The following AK4 variants were observed in gnomAD, a reference collection of about 807,000 sequenced individuals.
The protein encoded by AK4 is adenylate kinase 4.
A neutral mutation model predicts 24.6 loss-of-function variants in AK4; 13 were observed. The observed-to-expected ratio is 0.53, with a 90% CI of 0.34 to 0.84. The LOEUF (loss-of-function observed/expected upper bound fraction) is 0.84. AK4 is among the 40% of genes least tolerant of loss of function. The pLI, the probability that AK4 is intolerant of heterozygous loss-of-function variation, is 0.01. For missense variants in AK4, 192 were observed against 288.2 expected (o/e 0.67, Z 2.42); for synonymous variants, 88 against 107.0 (o/e 0.82, Z 1.10).
rs192931051 is a variant in AK4, at chr1:65,158,950, A to C, written c.145+10398A>C. Among the ~76,000 whole-genome samples the C allele has an allele frequency of 7.9e-5, 12 of 152,300 alleles. 1 individual carries two copies. The East Asian group carries it at 2.3e-3, about 29-fold the overall frequency. On this transcript the variant is annotated intron_variant, in intron 1 of 4. Transcript: ENST00000327299. ...CAAAAGGTCTTGTTTGTACAGCTTC[A>C]TGTAGTTGAATTTAAATGGCTGATG...
At chr1:65,185,675 G>A (rs1033894494) in intron 1 of AK4, among the ~76,000 whole-genome samples, 7 of 148,704 alleles carry the variant, frequency 4.7e-5, no homozygotes, top group South Asian at 2.1e-4. Context: ...CTAGGCTGGC[G>A]TGATCTTGGC....
At chr1:65,153,688 A>C (rs1649876934) in intron 1 of AK4, among the ~76,000 whole-genome samples, 1 of 152,128 alleles carries the variant, frequency 6.6e-6, no homozygotes, top group Admixed American at 6.5e-5. Flanking sequence ...TTAATTCCTT[A>C]AGGGTAATTT....
At chr1:65,186,240 A>C (rs765541424) in intron 1 of AK4, among the ~76,000 whole-genome samples, 1 of 152,038 alleles carries the variant, frequency 6.6e-6, no homozygotes, top group African/African-American at 2.4e-5. Context: ...GGTTCAAACT[A>C]TTCTTGTGCC....
chr1:65,199,872 G>A (rs982357567), intron 2 of AK4, among the ~76,000 whole-genome samples: 4 of 152,138 alleles, frequency 2.6e-5, no homozygotes, highest in Non-Finnish European at 5.9e-5. Flanking sequence ...TGAGGATCAA[G>A]TTGGCACTCA....
intron 1 of AK4, among the ~76,000 whole-genome samples, chr1:65,164,299 G>A (rs1650260144): frequency 6.6e-6 from 1 of 152,178 alleles, no homozygotes; most frequent in African/African-American, 2.4e-5. Context: ...GGTTAGGTCT[G>A]ATTTCTTTCA....
At chr1:65,225,932 G>A in intron 4 of AK4, 131 bp from the exon 5 acceptor site, 1 of 903,386 alleles carries the variant, frequency 1.1e-6, no homozygotes, top group Non-Finnish European at 1.7e-6. Flanking sequence ...TTTGAAAGGG[G>A]CTGTTTTAGC....
chr1:65,224,366 G>A (rs1260182098), intron 3 of AK4, among the ~76,000 whole-genome samples: 8 of 152,082 alleles, frequency 5.3e-5, no homozygotes, highest in African/African-American at 1.2e-4. Context: ...TTTGTTTTCC[G>A]CATTAAGAAC....
intron 1 of AK4, among the ~76,000 whole-genome samples, chr1:65,190,248 G>GTTTC (rs1185704798): frequency 3.4e-5 from 5 of 148,756 alleles, no homozygotes; most frequent in Non-Finnish European, 7.4e-5. Context: ...TGCTTTCTTG[G>GTTTC]TTTCTTTCTT....
At chr1:65,202,330 G>C (rs1202104105) in intron 2 of AK4, among the ~76,000 whole-genome samples, 1 of 152,192 alleles carries the variant, frequency 6.6e-6, no homozygotes, top group African/African-American at 2.4e-5. Context: ...CCAGGAGGCA[G>C]AGCTTGCAGT....
intron 1 of AK4, among the ~76,000 whole-genome samples, chr1:65,180,015 G>T (rs1404793907): frequency 2.6e-5 from 4 of 152,060 alleles, no homozygotes; most frequent in African/African-American, 9.7e-5. Context: ...CATTTTATTG[G>T]TGAGGAAACG....
At chr1:65,182,518 C>T (rs1023126230) in intron 1 of AK4, among the ~76,000 whole-genome samples, 3 of 151,016 alleles carry the variant, frequency 2.0e-5, no homozygotes, top group African/African-American at 4.9e-5. Context: ...ATATGACAGA[C>T]AGAAATAAGA....
chr1:65,214,853 T>C (rs1278704053), intron 2 of AK4, among the ~76,000 whole-genome samples: 1 of 152,144 alleles, frequency 6.6e-6, no homozygotes, highest in Non-Finnish European at 1.5e-5. Flanking sequence ...CTGGAAAGAT[T>C]TGCATGTGTT....
chr1:65,209,311 T>C (rs1261570742), intron 2 of AK4, among the ~76,000 whole-genome samples: 2 of 152,362 alleles, frequency 1.3e-5, no homozygotes, highest in East Asian at 3.9e-4. Context: ...TAATGGAATA[T>C]ATTCACATTT....
chr1:65,207,515 A>G (rs897655564), intron 2 of AK4, among the ~76,000 whole-genome samples: 25 of 150,522 alleles, frequency 1.7e-4, no homozygotes, highest in Non-Finnish European at 4.4e-5. Flanking sequence ...AGGAGGAAGC[A>G]TAAACTTCAG....
chr1:65,195,432 C>G (rs1351271918), intron 2 of AK4, among the ~76,000 whole-genome samples: 1 of 152,172 alleles, frequency 6.6e-6, no homozygotes, highest in African/African-American at 2.4e-5. Flanking sequence ...AGTAATTTCT[C>G]TAGTTTACAT....
At chr1:65,199,750 ATTTTGGATTTCAGATT>A (rs1651605848) in intron 2 of AK4, among the ~76,000 whole-genome samples, 1 of 152,156 alleles carries the variant, frequency 6.6e-6, no homozygotes, top group Non-Finnish European at 1.5e-5. Flanking sequence ...GACCAGAAGT[ATTTTGGATTTCAGATT>A]TTTTGGATTT....
chr1:65,177,438 T>C (rs973105010), intron 1 of AK4, among the ~76,000 whole-genome samples: 10 of 152,240 alleles, frequency 6.6e-5, no homozygotes, highest in African/African-American at 2.4e-4. Flanking sequence ...AAAATTTATC[T>C]GTGTCACACA....
chr1:65,220,411 C>A (rs1652260206), intron 3 of AK4, among the ~76,000 whole-genome samples: 1 of 152,206 alleles, frequency 6.6e-6, no homozygotes, highest in African/African-American at 2.4e-5. Context: ...TTTTAGATTT[C>A]AGCCGTTCTG....
chr1:65,173,114 T>C (rs1354916514), intron 1 of AK4, among the ~76,000 whole-genome samples: 1 of 152,188 alleles, frequency 6.6e-6, no homozygotes, highest in East Asian at 1.9e-4. Flanking sequence ...TCCACCTGAC[T>C]TGGCCTCCCA....
Sources: gnomAD v4.1 joint callset for allele counts (sites outside exome capture counted in the v4.1 genomes callset) on GRCh38, gnomAD v4.1.1 for gene constraint, MANE v1.5 for transcripts, NCBI Gene and HGNC (gene_info 2026-07-23, HGNC 2026-07-21) for gene names.